The following PLEKHM2 variants were observed in gnomAD, a reference collection of about 807,000 sequenced individuals.
PLEKHM2 encodes pleckstrin homology domain-containing family M member 2.
PLEKHM2 carries 77 observed loss-of-function variants against 116.3 expected under a neutral mutation model. That is an observed-to-expected ratio of 0.66 (90% CI 0.55 to 0.80). PLEKHM2 has a LOEUF of 0.80. Ranked by LOEUF, PLEKHM2 falls within the 30% of genes least tolerant of loss-of-function variation. The pLI is 0.00. For missense variants in PLEKHM2, 1,183 were observed against 1,354.9 expected (o/e 0.87, Z 1.99); for synonymous variants, 562 against 571.0 (o/e 0.98, Z 0.22).
chr1:15,729,953 A>C lies in PLEKHM2; in HGVS notation c.2208+24A>C, dbSNP rs747769795. The C allele has an allele frequency of 9.4e-6, 15 of 1,595,962 alleles. No homozygotes were observed. The highest frequency in any genetic ancestry group is 1.3e-5 in the Non-Finnish European group (15 of 1,173,118). On this transcript the variant is annotated intron_variant, in intron 14 of 19. Transcript: ENST00000375799. The surrounding 1 kb of genome is among the most constrained non-coding windows in gnomAD (Gnocchi z 4.7). ...AGGTAAGAACCTGGGGAGGAAGCTGAGTGCAGCCCCTGAGATGGCAGAGCA... is the reference window on the plus strand; with the variant it reads ...AGGTAAGAACCTGGGGAGGAAGCTGCGTGCAGCCCCTGAGATGGCAGAGCA...
At chr1:15,722,237 G>A (rs377459191) in intron 7 of PLEKHM2, among the ~76,000 whole-genome samples, 3 of 152,154 alleles carry the variant, frequency 2.0e-5, no homozygotes, top group Non-Finnish European at 4.4e-5. Context: ...TCCACCTCCC[G>A]GGTTCAAGCA....
chr1:15,688,428 G>T (rs1418292176), intron 1 of PLEKHM2, among the ~76,000 whole-genome samples: 3 of 151,792 alleles, frequency 2.0e-5, no homozygotes, highest in Non-Finnish European at 2.9e-5. Flanking sequence ...AAGGTGGATG[G>T]ATAACTTGAG....
At chr1:15,699,235 A>G (rs1203178629) in intron 1 of PLEKHM2, among the ~76,000 whole-genome samples, 1 of 151,978 alleles carries the variant, frequency 6.6e-6, no homozygotes, top group Non-Finnish European at 1.5e-5. Flanking sequence ...GGTTTGTTAC[A>G]TAGGTGTGCA....
chr1:15,719,171 C>G lies in PLEKHM2; in HGVS notation c.465+546C>G, dbSNP rs1462781163. On this transcript the variant is annotated intron_variant, in intron 5 of 19. Transcript: ENST00000375799. The surrounding 1 kb of genome is among the most constrained non-coding windows in gnomAD (Gnocchi z 4.1). ...CCTAATCAAATGACCTTCCTTGGGC[C>G]AGGCGCAGTGGCTCACACCTATAAT... Among the ~76,000 whole-genome samples the G allele has an allele frequency of 6.6e-6, 1 of 152,174 alleles. No individual in the cohort carries two copies. The highest frequency in any genetic ancestry group is 6.5e-5 in the Admixed American group (1 of 15,284).
intron 1 of PLEKHM2, among the ~76,000 whole-genome samples, chr1:15,685,426 A>G (rs888477779): frequency 1.3e-5 from 2 of 151,936 alleles, no homozygotes; most frequent in Non-Finnish European, 1.5e-5. Context: ...AAAAGAATCC[A>G]TATTCACTGA....
chr1:15,725,605 A>G, intron 8 of PLEKHM2, 60 bp downstream of exon 8: 2 of 1,228,518 alleles, frequency 1.6e-6, no homozygotes, highest in Admixed American at 4.0e-5. Flanking sequence ...GTCCACTCCC[A>G]GCATCAGCTG....
intron 7 of PLEKHM2, among the ~76,000 whole-genome samples, chr1:15,723,859 G>A (rs1242816938): frequency 6.6e-6 from 1 of 152,218 alleles, no homozygotes; most frequent in African/African-American, 2.4e-5. Flanking sequence ...GGGCTGTGGG[G>A]TGCATGTTTG....
chr1:15,693,613 T>A (rs1640931298), intron 1 of PLEKHM2, among the ~76,000 whole-genome samples: 1 of 152,204 alleles, frequency 6.6e-6, no homozygotes, highest in Non-Finnish European at 1.5e-5. Flanking sequence ...GGGCTGACTG[T>A]CTGTGGTCAT....
chr1:15,707,946 G>A (rs1641257565), intron 1 of PLEKHM2, among the ~76,000 whole-genome samples: 1 of 151,482 alleles, frequency 6.6e-6, no homozygotes, highest in Admixed American at 6.6e-5. Context: ...GTGCAGTGAC[G>A]TGATCTCAGG....
intron 1 of PLEKHM2, among the ~76,000 whole-genome samples, chr1:15,689,245 C>CAAAAAAA (rs34554449): frequency 2.1e-5 from 2 of 95,540 alleles, no homozygotes; most frequent in African/African-American, 6.9e-5. Context: ...AACTCCGTCT[C>CAAAAAAA]AAAAAAAAAA....
intron 1 of PLEKHM2, among the ~76,000 whole-genome samples, chr1:15,713,472 GAA>G (rs1368982140): frequency 1.3e-5 from 2 of 152,096 alleles, no homozygotes; most frequent in African/African-American, 4.8e-5. Context: ...TCTTAGCTGA[GAA>G]AAGAGTCTGA....
rs774098090 is a variant in PLEKHM2, at chr1:15,684,624, C to A, written c.60+6C>A. On this transcript the variant is annotated splice_donor_region_variant and intron_variant, in intron 1 of 19. Coordinates refer to ENST00000375799, the MANE Select transcript of PLEKHM2 (RefSeq NM_015164.4). ...TCTCGCTGTCGGTGAAGAAGGTGAGCGCGGCCTCCCTCCCGGCCGGGGCCC... is the reference window on the plus strand; with the variant it reads ...TCTCGCTGTCGGTGAAGAAGGTGAGAGCGGCCTCCCTCCCGGCCGGGGCCC... 1 of 1,284,420 alleles carries A rather than the reference C, an allele frequency of 7.8e-7. No individual in the cohort carries two copies. Among genetic ancestry groups the A allele is most frequent in the Admixed American group, 3.1e-5 (1 of 32,538 alleles). 79.6% of individuals were successfully genotyped at this position (1,284,420 alleles called of 1,614,324 possible). A position where few individuals can be genotyped will look rare whatever the true frequency, so the allele number is the denominator to read the frequency against.
At chr1:15,732,291 C>A in intron 17 of PLEKHM2, 59 bp from the exon 18 acceptor site, 1 of 1,395,876 alleles carries the variant, frequency 7.2e-7, no homozygotes, top group Non-Finnish European at 9.8e-7. Flanking sequence ...GGAGTGTGGA[C>A]TTCTGGTGCA....
At position 15,732,077 on chromosome 1, in the gene PLEKHM2, C is replaced by A. The variant is rs1315262471; in HGVS notation, c.2625+29C>A. 3.1e-6 allele frequency: 5 copies of A among 1,597,934 alleles called. No homozygotes were observed. The South Asian group carries it at 5.6e-5, about 18-fold the overall frequency. ...AGCTTCGCCTGCCCCTACCGCTCACCTGGCTTGCCTGACCCACCCAGACCC... is the reference window on the plus strand; with the variant it reads ...AGCTTCGCCTGCCCCTACCGCTCACATGGCTTGCCTGACCCACCCAGACCC... On this transcript the variant is annotated intron_variant, in intron 17 of 19. Coordinates refer to ENST00000375799, the MANE Select transcript of PLEKHM2 (RefSeq NM_015164.4).
intron 1 of PLEKHM2, among the ~76,000 whole-genome samples, chr1:15,711,029 G>A (rs1290742054): frequency 1.3e-5 from 2 of 151,582 alleles, no homozygotes; most frequent in Non-Finnish European, 2.9e-5. Context: ...CATATATAAA[G>A]CTGGATCCTT....
intron 1 of PLEKHM2, among the ~76,000 whole-genome samples, chr1:15,692,962 C>T (rs1027398111): frequency 6.6e-6 from 1 of 151,650 alleles, no homozygotes; most frequent in African/African-American, 2.4e-5. Context: ...TGGTCTTGAA[C>T]TCCTGACCTC....
rs1256522407 is a variant in PLEKHM2, at chr1:15,732,334, C to T, written c.2626-16C>T. The T allele has an allele frequency of 1.3e-6, 2 of 1,546,514 alleles. No individual in the cohort carries two copies. The highest frequency in any genetic ancestry group is 1.7e-6 in the Non-Finnish European group (2 of 1,144,342). Reference sequence around the variant, plus strand: ...CCTGGAGGCCCCAGCCTGCCTCTCCCCTGCCCCGCTGCCAGGTCATCCCCC... The same window carrying T: ...CCTGGAGGCCCCAGCCTGCCTCTCCTCTGCCCCGCTGCCAGGTCATCCCCC... On this transcript the variant is annotated splice_polypyrimidine_tract_variant and intron_variant, in intron 17 of 19. Coordinates refer to ENST00000375799, the MANE Select transcript of PLEKHM2 (RefSeq NM_015164.4).
At chr1:15,697,272 C>T (rs559642218) in intron 1 of PLEKHM2, among the ~76,000 whole-genome samples, 1 of 152,168 alleles carries the variant, frequency 6.6e-6, no homozygotes, top group Non-Finnish European at 1.5e-5. Context: ...GGAGTAGAAT[C>T]GTGTGCACTC....
rs1557663709 is a variant in PLEKHM2 at position 15,731,991 on chromosome 1, G to A, written c.2568G>A (p.Glu856=). 6.2e-7 allele frequency: 1 copy of A among 1,612,462 alleles called. No homozygotes were observed. The highest frequency in any genetic ancestry group is 1.1e-5 in the South Asian group (1 of 91,060). ...GGCCCTGCCTGGAGCTAAGTGCCGA[G>A]AGCGAGGCCGAGATGGCCGAGTGGA... ...SDRPCLELSA[E]SEAEMAEWMQ... Residue 856 remains glutamate, a synonymous_variant, in exon 17 of 20, where the codon GAG becomes GAA. Transcript: ENST00000375799.
Sources: allele counts gnomAD v4.1 joint callset (sites outside exome capture counted in the v4.1 genomes callset), GRCh38; gene constraint gnomAD v4.1.1; non-coding constraint Gnocchi (gnomAD v3.1); transcripts MANE v1.5; gene names NCBI Gene and HGNC (gene_info 2026-07-23, HGNC 2026-07-21).